The following CDH13 variants were observed in gnomAD, a reference collection of about 807,000 sequenced individuals.
CDH13 encodes cadherin 13, also known as cadherin-13.
In CDH13, 24 loss-of-function variants were observed where a neutral mutation model predicts 63.8. The ratio of observed to expected loss-of-function variants is 0.38; its 90% CI spans 0.27 to 0.53. The LOEUF (loss-of-function observed/expected upper bound fraction) is 0.53. CDH13 is among the 20% of genes least tolerant of loss of function. The probability of loss-of-function intolerance (pLI) is 0.85; values close to 1 mark genes in which losing one functional copy is unlikely to be tolerated. For missense variants in CDH13, 1,049 were observed against 903.1 expected (o/e 1.16, Z -2.07); for synonymous variants, 503 against 355.3 (o/e 1.42, Z -4.67).
intron 5 of CDH13, among the ~76,000 whole-genome samples, chr16:83,296,127 A>G (rs2089591079): frequency 6.6e-6 from 1 of 152,180 alleles, no homozygotes; most frequent in Non-Finnish European, 1.5e-5. Flanking sequence ...CATTCTTAGC[A>G]TTCTTTTCTC....
rs373477088 is a variant in CDH13 at position 83,269,402 on chromosome 16, A to G, written c.636+51905A>G. 6.6e-5 allele frequency among the ~76,000 whole-genome samples: 10 copies of G among 152,258 alleles called. No homozygotes were observed. In the East Asian group the frequency reaches 1.5e-3, roughly 24 times the overall value. ...AGACACACCATCCTTCATGTCTCAA[A>G]TATTGATTATCTAAACTATCCCACA... On this transcript the variant is annotated intron_variant, in intron 5 of 13. Transcript: ENST00000567109.
In CDH13 at chr16:83,080,879, T is replaced by TG. The variant is rs1230536701; in HGVS notation, c.367-44506_367-44505insG. 1.0e-3 allele frequency among the ~76,000 whole-genome samples: 113 copies of TG among 110,596 alleles called. 3 individuals carry two copies. The highest frequency in any genetic ancestry group is 3.9e-3 in the African/African-American group (105 of 26,702). 72.6% of individuals were successfully genotyped at this position (110,596 alleles called of 152,430 possible). ...TTTTGTTTTGTTTTTGTGTTTTTTT[T>TG]TTTTTTTTTTTTTTTTTTTGAGACA... is the stretch of plus-strand genomic sequence containing the variant. On this transcript the variant is annotated intron_variant, in intron 3 of 13. Transcript: ENST00000567109.
chr16:83,317,762 T>C (rs1239261451), intron 5 of CDH13, among the ~76,000 whole-genome samples: 1 of 151,400 alleles, frequency 6.6e-6, no homozygotes, highest in Non-Finnish European at 1.5e-5. Context: ...ACTGCACCAT[T>C]GCACTCCAGC....
chr16:83,503,022 C>T (rs1206305798), intron 7 of CDH13, among the ~76,000 whole-genome samples: 1 of 152,174 alleles, frequency 6.6e-6, no homozygotes, highest in Non-Finnish European at 1.5e-5. Context: ...GTTGGTTATG[C>T]TTCAGTTACA....
At chr16:82,738,241 T>A (rs997125760) in intron 1 of CDH13, among the ~76,000 whole-genome samples, 1 of 152,226 alleles carries the variant, frequency 6.6e-6, no homozygotes, top group Non-Finnish European at 1.5e-5. Context: ...ATCAGTCACT[T>A]CCATTGTAAA....
chr16:83,784,631 C>CAAA (rs575073144), intron 13 of CDH13, among the ~76,000 whole-genome samples: 20 of 101,204 alleles, frequency 2.0e-4, no homozygotes, highest in South Asian at 3.3e-4. Context: ...GGCTCTGTCT[C>CAAA]AAAAAAAAAA....
intron 8 of CDH13, among the ~76,000 whole-genome samples, chr16:83,668,263 T>G (rs752972989): frequency 4.5e-4 from 68 of 152,350 alleles, no homozygotes; most frequent in Non-Finnish European, 8.2e-4. Context: ...AAATATCTAC[T>G]GAGTTTCTTC....
intron 2 of CDH13, among the ~76,000 whole-genome samples, chr16:82,896,228 C>A (rs540137080): frequency 6.9e-6 from 1 of 144,850 alleles, no homozygotes; most frequent in African/African-American, 2.6e-5. Context: ...CACTGCCAGG[C>A]ATATTGCAGA....
At chr16:83,017,326 T>A (rs760044203) in intron 2 of CDH13, among the ~76,000 whole-genome samples, 1 of 152,176 alleles carries the variant, frequency 6.6e-6, no homozygotes, top group Non-Finnish European at 1.5e-5. Flanking sequence ...TTTTGACACC[T>A]TTTTTAGCTC....
intron 3 of CDH13, among the ~76,000 whole-genome samples, chr16:83,060,493 T>A (rs1430767909): frequency 6.6e-6 from 1 of 152,162 alleles, no homozygotes; most frequent in Non-Finnish European, 1.5e-5. Flanking sequence ...GACTTAGGCT[T>A]GTTGCATCCC....
intron 9 of CDH13, among the ~76,000 whole-genome samples, chr16:83,674,584 G>A (rs1301990980): frequency 3.3e-5 from 5 of 152,242 alleles, no homozygotes; most frequent in African/African-American, 2.4e-5. Context: ...GCAGAGGGGG[G>A]CTGGTGATTG....
At chr16:82,954,688 T>A (rs1363705986) in intron 2 of CDH13, 1 of 151,932 alleles carries the variant, frequency 6.6e-6, no homozygotes, top group Non-Finnish European at 1.5e-5. Flanking sequence ...TGGTTTTCAG[T>A]CTATTCACAG....
intron 8 of CDH13, among the ~76,000 whole-genome samples, chr16:83,647,100 G>C (rs945229717): frequency 1.3e-5 from 2 of 151,998 alleles, no homozygotes; most frequent in African/African-American, 4.8e-5. Context: ...CACGAGGTCA[G>C]GAGATCGAGA....
intron 10 of CDH13, among the ~76,000 whole-genome samples, chr16:83,741,726 G>C (rs77137615): frequency 6.6e-6 from 1 of 152,222 alleles, no homozygotes; most frequent in East Asian, 1.9e-4. Flanking sequence ...TGAAAGGAAA[G>C]CTATGCTCAG....
intron 8 of CDH13, among the ~76,000 whole-genome samples, chr16:83,636,955 A>G (rs917540568): frequency 4.6e-5 from 7 of 152,190 alleles, no homozygotes; most frequent in African/African-American, 1.4e-4. Flanking sequence ...AGCCATTCCA[A>G]CTGGTGTGAG....
chr16:83,117,008 G>A (rs2035335729), intron 3 of CDH13, among the ~76,000 whole-genome samples: 2 of 152,336 alleles, frequency 1.3e-5, no homozygotes, highest in South Asian at 2.1e-4. Context: ...GTAGGACGAT[G>A]AGCGCTGAGC....
intron 2 of CDH13, among the ~76,000 whole-genome samples, chr16:82,989,435 C>G (rs778690851): frequency 6.6e-6 from 1 of 152,168 alleles, no homozygotes; most frequent in East Asian, 1.9e-4. Context: ...GATGAAGAAG[C>G]CACATGTCCC....
intron 1 of CDH13, among the ~76,000 whole-genome samples, chr16:82,696,455 C>T (rs968569623): frequency 2.0e-5 from 3 of 152,164 alleles, no homozygotes; most frequent in Admixed American, 6.5e-5. Context: ...TTGGTAGTCA[C>T]AAGGTCTTTG....
intron 2 of CDH13, among the ~76,000 whole-genome samples, chr16:82,941,610 C>T (rs1904287867): frequency 6.6e-6 from 1 of 152,174 alleles, no homozygotes; most frequent in East Asian, 1.9e-4. Context: ...ATTGTATCAA[C>T]TCCCAGTGGA....
Sources: allele counts gnomAD v4.1 joint callset (sites outside exome capture counted in the v4.1 genomes callset), GRCh38; gene constraint gnomAD v4.1.1; transcripts MANE v1.5; gene names NCBI Gene and HGNC (gene_info 2026-07-23, HGNC 2026-07-21).